Variants in GRAMD4 observed in about 807,000 individuals in gnomAD.
GRAMD4 encodes GRAM domain containing 4.
A neutral mutation model predicts 83.9 loss-of-function variants in GRAMD4; 25 were observed. The observed-to-expected ratio is 0.30, with a 90% CI of 0.22 to 0.42. The LOEUF (loss-of-function observed/expected upper bound fraction) is 0.42. Among genes scored for constraint, GRAMD4 ranks in the 10% least tolerant of loss-of-function variants. The pLI is 1.00. For synonymous variants in GRAMD4, 336 were observed against 320.9 expected (o/e 1.05, Z -0.50); for missense variants, 593 against 788.7 (o/e 0.75, Z 2.97).
rs185949219 is a variant in GRAMD4, at chr22:46,578,714, G to A, written c.-50+1424G>A. On this transcript the variant is annotated intron_variant, in intron 1 of 1. Coordinates refer to the GRAMD4 transcript ENST00000431155. Reference sequence around the variant, plus strand: ...ACCACGTTCCCCTGTTGTTAGCTGGGACTCCCCAGATGAGTGACCTCAGTA... The same window carrying A: ...ACCACGTTCCCCTGTTGTTAGCTGGAACTCCCCAGATGAGTGACCTCAGTA... Among the ~76,000 whole-genome samples, 344 of 152,296 alleles carry A rather than the reference G, an allele frequency of 2.3e-3. 2 individuals carry two copies. Among genetic ancestry groups the A allele is most frequent in the African/African-American group, 7.8e-3 (325 of 41,572 alleles).
Position 46,621,287 on chromosome 22 carries a change from G to A in GRAMD4, c.-50+722G>A, listed in dbSNP as rs994968725. ...CATCTGTAAGTTGGGCGTGTGCTGG[G>A]TAATAGTGTCCTCCCCCAAAATTCA... On this transcript the variant is annotated intron_variant, in intron 1 of 18. Transcript: ENST00000406902. The surrounding 1 kb of genome is among the most constrained non-coding windows in gnomAD (Gnocchi z 5.8). Among the ~76,000 whole-genome samples, 8 of 152,172 alleles carry A rather than the reference G, an allele frequency of 5.3e-5. No homozygotes were observed. Among genetic ancestry groups the A allele is most frequent in the African/African-American group, 1.9e-4 (8 of 41,418 alleles).
rs2081205214 is a variant in GRAMD4, at chr22:46,591,298, G to A, written c.-50+14008G>A. The stretch of plus-strand genomic sequence containing the variant: ...TTGAGAGGCTGAGAGGGGGAGGATT[G>A]CGTGAGCTCAGGAGTTTGAGAACGG... On this transcript the variant is annotated intron_variant, in intron 1 of 1. Transcript: ENST00000431155. 2.6e-5 allele frequency among the ~76,000 whole-genome samples: 4 copies of A among 152,034 alleles called. No homozygotes were observed. The South Asian group carries it at 6.2e-4, about 24-fold the overall frequency.
At chr22:46,628,206 CG>C (rs2081701175) in intron 2 of GRAMD4, among the ~76,000 whole-genome samples, 1 of 152,166 alleles carries the variant, frequency 6.6e-6, no homozygotes, top group South Asian at 2.1e-4. Flanking sequence ...AAGGCCAGAG[CG>C]GGGCTGTTTC....
downstream of GRAMD4, among the ~76,000 whole-genome samples, chr22:46,682,616 C>A (rs755239541): frequency 6.6e-6 from 1 of 152,242 alleles, no homozygotes; most frequent in Non-Finnish European, 1.5e-5. Flanking sequence ...GAACTTCGTT[C>A]TAGAGCAGCT....
chr22:46,602,085 G>A (rs2081317447), intron 1 of GRAMD4, among the ~76,000 whole-genome samples: 1 of 152,218 alleles, frequency 6.6e-6, no homozygotes, highest in Non-Finnish European at 1.5e-5. Context: ...GGTGCACGGG[G>A]GTCCTCGCTC....
chr22:46,643,507 T>G (rs1309303061), intron 3 of GRAMD4, among the ~76,000 whole-genome samples: 3 of 152,232 alleles, frequency 2.0e-5, no homozygotes, highest in South Asian at 4.1e-4. Context: ...ATCAGGAAAT[T>G]AACATTGATA....
chr22:46,613,989 G>A (rs1205060118), intron 1 of GRAMD4, among the ~76,000 whole-genome samples: 2 of 152,240 alleles, frequency 1.3e-5, no homozygotes, highest in Non-Finnish European at 2.9e-5. Flanking sequence ...CTGCAGCAGT[G>A]TGAGGAGGGA....
chr22:46,588,104 G>C (rs2081169351), intron 1 of GRAMD4, among the ~76,000 whole-genome samples: 1 of 151,994 alleles, frequency 6.6e-6, no homozygotes, highest in Admixed American at 6.5e-5. Flanking sequence ...CCGCCTTCGG[G>C]GGCTCTGTCC....
At position 46,672,699 on chromosome 22, in the gene GRAMD4, C is replaced by T. The variant is rs1410773996; in HGVS notation, c.1085-144C>T. 9 of 647,222 alleles carry T rather than the reference C, an allele frequency of 1.4e-5. No homozygotes were observed. In the African/African-American group the frequency reaches 1.6e-4, roughly 12 times the overall value. The allele number at this position is 647,222 out of a possible 1,614,324, so 40.1% of individuals were successfully genotyped here. The stretch of plus-strand genomic sequence containing the variant: ...AGGCTGGGGGTATCCAGGGTGAGGA[C>T]TGAGCGAGCAGCTGGACTCTCACAT... On this transcript the variant is annotated intron_variant, in intron 13 of 18. Transcript: ENST00000406902. The surrounding 1 kb of genome is among the most constrained non-coding windows in gnomAD (Gnocchi z 4.7).
At chr22:46,676,526 C>A in intron 17 of GRAMD4, 74 bp from the exon 18 acceptor site, 1 of 1,353,042 alleles carries the variant, frequency 7.4e-7, no homozygotes, top group Non-Finnish European at 1.0e-6. Context: ...AGGAGGATGC[C>A]CTGGGCCTGT....
At chr22:46,641,705 C>T (rs971881974) in intron 3 of GRAMD4, among the ~76,000 whole-genome samples, 6 of 152,040 alleles carry the variant, frequency 3.9e-5, no homozygotes, top group Admixed American at 6.6e-5. Flanking sequence ...TTGGTGGTGC[C>T]GTGTGCTTCC....
chr22:46,643,122 TG>T (rs2082002491), intron 3 of GRAMD4, among the ~76,000 whole-genome samples: 1 of 90,264 alleles, frequency 1.1e-5, no homozygotes, highest in African/African-American at 3.6e-5. Context: ...CATCCATCCA[TG>T]CATCCATCCA....
upstream of GRAMD4, among the ~76,000 whole-genome samples, chr22:46,616,590 G>T (rs2081499522): frequency 7.6e-6 from 1 of 131,604 alleles, no homozygotes; most frequent in Non-Finnish European, 1.6e-5. Context: ...GTGCGTGCAG[G>T]TTCCCCTGTG....
At chr22:46,617,377 CCT>C (rs1316826356), upstream of GRAMD4, among the ~76,000 whole-genome samples, 1 of 151,222 alleles carries the variant, frequency 6.6e-6, no homozygotes, top group East Asian at 1.9e-4. Flanking sequence ...TGCGGGTTCC[CCT>C]GTGTGTGCAG....
intron 1 of GRAMD4, among the ~76,000 whole-genome samples, chr22:46,602,450 T>C (rs1437701858): frequency 1.3e-5 from 2 of 152,092 alleles, no homozygotes; most frequent in African/African-American, 2.4e-5. Context: ...GACCATGTTG[T>C]CCAGGAGTTC....
intron 2 of GRAMD4, among the ~76,000 whole-genome samples, chr22:46,628,667 G>A (rs1199213158): frequency 6.6e-6 from 1 of 152,152 alleles, no homozygotes; most frequent in Non-Finnish European, 1.5e-5. Context: ...GCTGCAGTGA[G>A]GGGGCCAGGG....
chr22:46,676,060 C>T (rs1310142889), intron 17 of GRAMD4, among the ~76,000 whole-genome samples: 1 of 152,230 alleles, frequency 6.6e-6, no homozygotes, highest in East Asian at 1.9e-4. Flanking sequence ...GCACACTTGG[C>T]CCGAGTGGTC....
chr22:46,682,288 C>A, downstream of GRAMD4: 1 of 308,750 alleles, frequency 3.2e-6, no homozygotes, highest in Non-Finnish European at 4.7e-6. Flanking sequence ...CAACTCTCTA[C>A]CACATGTCAC....
At chr22:46,643,240 TATCC>T (rs1239663355) in intron 3 of GRAMD4, among the ~76,000 whole-genome samples, 3 of 5,946 alleles carry the variant, frequency 5.0e-4, no homozygotes, top group African/African-American at 1.7e-3. Context: ...TCCATCCATC[TATCC>T]ATCCATCCAA....
Sources: allele counts gnomAD v4.1 joint callset (sites outside exome capture counted in the v4.1 genomes callset), GRCh38; gene constraint gnomAD v4.1.1; non-coding constraint Gnocchi (gnomAD v3.1); transcripts MANE v1.5; gene names NCBI Gene and HGNC (gene_info 2026-07-23, HGNC 2026-07-21).